Variants in ADAMTS2 observed in about 807,000 individuals in gnomAD.
The protein encoded by ADAMTS2 is ADAM metallopeptidase with thrombospondin type 1 motif 2.
A neutral mutation model predicts 123.0 loss-of-function variants in ADAMTS2; 50 were observed. The observed-to-expected ratio is 0.41, with a 90% confidence interval of 0.32 to 0.51. The LOEUF (loss-of-function observed/expected upper bound fraction) is 0.51, where lower values mean the gene tolerates loss of function less well. ADAMTS2 is among the 20% of genes least tolerant of loss of function. The pLI is 0.35. For synonymous variants in ADAMTS2, 678 were observed against 695.4 expected (o/e 0.98, Z 0.39); for missense variants, 1,494 against 1,705.2 (o/e 0.88, Z 2.18).
At chr5:179,207,780 G>A (rs1209738916) in intron 3 of ADAMTS2, 65 bp from the exon 4 acceptor site, 81 of 1,416,116 alleles carry the variant, frequency 5.7e-5, no homozygotes, top group Non-Finnish European at 7.1e-5. Context: ...CCTACCAGGC[G>A]CCAGCTTGGC....
rs1764735032 is a variant in ADAMTS2 at position 179,207,659 on chromosome 5, G to A, written c.745C>T (p.His249Tyr). ...LSRALGVLEE[H>Y]ANSSRRRARR... ...GCCCTCCGCCTCGAGCTGTTGGCGT[G>A]CTCCTCTAGGACGCCCAGGGCGCGG... The change falls in exon 4 of 22, where the codon CAC becomes TAC. Residue 249 changes from histidine (H) to tyrosine (Y), a missense_variant. Physicochemically the swap from His to Tyr is moderately conservative, Grantham distance 83. Coordinates refer to ENST00000251582, the MANE Select transcript of ADAMTS2 (RefSeq NM_014244.5). The A allele has an allele frequency of 1.2e-6, 2 of 1,613,494 alleles. No homozygotes were observed. The highest frequency in any genetic ancestry group is 1.7e-5 in the Admixed American group (1 of 60,004).
chr5:179,236,300 T>C (rs962105999), intron 3 of ADAMTS2, among the ~76,000 whole-genome samples: 2 of 152,174 alleles, frequency 1.3e-5, no homozygotes, highest in African/African-American at 4.8e-5. Flanking sequence ...CTTCAGGTGC[T>C]TGGGGAAGAG....
rs1763801412 is a variant in ADAMTS2 at position 179,170,803 on chromosome 5, C to T, written c.975+10269G>A. Among the ~76,000 whole-genome samples, 1 of 152,176 alleles carries T rather than the reference C, an allele frequency of 6.6e-6. No homozygotes were observed. Among genetic ancestry groups the T allele is most frequent in the Non-Finnish European group, 1.5e-5 (1 of 68,022 alleles). On this transcript the variant is annotated intron_variant, in intron 5 of 21. Transcript: ENST00000251582. This position sits in a 1 kb window ranked among gnomAD's most constrained non-coding sequence, Gnocchi z 4.3. ...GGCTCCTCTCCCCTCCTCGTTCATG[C>T]ACCTCCCTGGGATTAAACAGCAGCT...
In ADAMTS2 at chr5:179,210,712, G is replaced by C. The variant is rs192236577; in HGVS notation, c.689-2997C>G. Among the ~76,000 whole-genome samples the C allele has an allele frequency of 2.9e-3, 439 of 152,320 alleles. 3 individuals carry two copies. Among genetic ancestry groups the C allele is most frequent in the African/African-American group, 0.01 (422 of 41,580 alleles). On this transcript the variant is annotated intron_variant, in intron 3 of 21. Transcript: ENST00000251582. Reference sequence around the variant, plus strand: ...AGGGGAGAAGCCCTAAGAGCAGGGGGATCTGCAATGCCCTCAGACCTGGGG... The same window carrying C: ...AGGGGAGAAGCCCTAAGAGCAGGGGCATCTGCAATGCCCTCAGACCTGGGG...
rs191245788 is a variant in ADAMTS2, at chr5:179,202,603, C to T, written c.891+4910G>A. Among the ~76,000 whole-genome samples, 127 of 152,290 alleles carry T rather than the reference C, an allele frequency of 8.3e-4. No homozygotes were observed. Among genetic ancestry groups the T allele is most frequent in the African/African-American group, 2.9e-3 (122 of 41,562 alleles). ...CACCCCTTGCCTGACATATAATAGA[C>T]GCCCCATAAACACCGGCCCCCGTAT... is the stretch of plus-strand genomic sequence containing the variant. On this transcript the variant is annotated intron_variant, in intron 4 of 21. Transcript: ENST00000251582. This position sits in a 1 kb window ranked among gnomAD's most constrained non-coding sequence, Gnocchi z 4.0.
At chr5:179,136,080 G>A in intron 12 of ADAMTS2, 38 bp from the exon 13 acceptor site, 5 of 1,612,916 alleles carry the variant, frequency 3.1e-6, no homozygotes, top group Non-Finnish European at 4.2e-6. Context: ...AAGGAGCCCT[G>A]ATGGCTTCCC....
chr5:179,281,761 G>T (rs1766918187), intron 2 of ADAMTS2, among the ~76,000 whole-genome samples: 1 of 152,162 alleles, frequency 6.6e-6, no homozygotes, highest in South Asian at 2.1e-4. Flanking sequence ...ACCATTCTCA[G>T]TGCCCCCAGC....
At chr5:179,223,581 C>A (rs199763719) in intron 3 of ADAMTS2, among the ~76,000 whole-genome samples, 1 of 151,070 alleles carries the variant, frequency 6.6e-6, no homozygotes, top group Non-Finnish European at 1.5e-5. Flanking sequence ...CACTCGCACA[C>A]GCATGCACTC....
chr5:179,153,950 G>A lies in ADAMTS2; in HGVS notation c.1382+99C>T, dbSNP rs1041126346. 8.8e-6 allele frequency: 13 copies of A among 1,483,038 alleles called. No homozygotes were observed. The Admixed American group carries it at 1.8e-4, about 20-fold the overall frequency. 91.9% of individuals were successfully genotyped at this position (1,483,038 alleles called of 1,614,324 possible). On this transcript the variant is annotated intron_variant, in intron 8 of 21. Coordinates refer to ENST00000251582, the MANE Select transcript of ADAMTS2 (RefSeq NM_014244.5). ...CGCACACAAGCTTAGAGGACCTGAG[G>A]TCGGAGGGCTCTGGCTCTGGTGCAT...
chr5:179,243,043 A>G (rs1188004101), intron 3 of ADAMTS2, among the ~76,000 whole-genome samples: 1 of 152,064 alleles, frequency 6.6e-6, no homozygotes, highest in African/African-American at 2.4e-5. Flanking sequence ...CTCCTGCCCA[A>G]TACCTGGAGT....
At chr5:179,230,203 G>C (rs573854124) in intron 3 of ADAMTS2, among the ~76,000 whole-genome samples, 15 of 152,312 alleles carry the variant, frequency 9.8e-5, no homozygotes, top group Non-Finnish European at 2.2e-4. Context: ...AGGGCTGGGC[G>C]TGAGGTGGGC....
At chr5:179,226,262 T>G (rs1298080956) in intron 3 of ADAMTS2, among the ~76,000 whole-genome samples, 1 of 147,568 alleles carries the variant, frequency 6.8e-6, no homozygotes, top group African/African-American at 2.5e-5. Flanking sequence ...CTTCTCTTTC[T>G]TCTTTCCTTC....
chr5:179,307,898 G>A lies in ADAMTS2; in HGVS notation c.535-34834C>T, dbSNP rs112007118. On this transcript the variant is annotated intron_variant, in intron 2 of 21. Coordinates refer to ENST00000251582, the MANE Select transcript of ADAMTS2 (RefSeq NM_014244.5). The surrounding 1 kb of genome is among the most constrained non-coding windows in gnomAD (Gnocchi z 5.6). ...TTTGTAACACCATTTCCCAATCATC[G>A]ACACGTGGGTTCTTTATTGGGTCAC... Among the ~76,000 whole-genome samples the A allele has an allele frequency of 5.3e-5, 8 of 152,184 alleles. No homozygotes were observed. The highest frequency in any genetic ancestry group is 7.3e-5 in the Non-Finnish European group (5 of 68,030).
At chr5:179,147,124 T>C (rs1347002887) in intron 10 of ADAMTS2, among the ~76,000 whole-genome samples, 2 of 152,238 alleles carry the variant, frequency 1.3e-5, no homozygotes, top group Non-Finnish European at 2.9e-5. Flanking sequence ...AGTCTCACTC[T>C]GTCGTCCAGG....
intron 5 of ADAMTS2, among the ~76,000 whole-genome samples, chr5:179,164,220 A>G (rs909583967): frequency 6.6e-6 from 1 of 152,202 alleles, no homozygotes; most frequent in Non-Finnish European, 1.5e-5. Flanking sequence ...AGAGGAGCCC[A>G]GGGGCAGAGA....
At chr5:179,333,490 T>C (rs1757530675) in intron 2 of ADAMTS2, among the ~76,000 whole-genome samples, 1 of 152,016 alleles carries the variant, frequency 6.6e-6, no homozygotes, top group African/African-American at 2.4e-5. Flanking sequence ...TATGTACAGA[T>C]GCTGTGCAAA....
At chr5:179,195,178 G>A (rs1412370876) in intron 4 of ADAMTS2, among the ~76,000 whole-genome samples, 1 of 152,188 alleles carries the variant, frequency 6.6e-6, no homozygotes, top group African/African-American at 2.4e-5. Context: ...GCAGGGATGC[G>A]GAGGCCAGGA....
At chr5:179,121,534 C>G in intron 21 of ADAMTS2, 127 bp downstream of exon 21, 1 of 749,036 alleles carries the variant, frequency 1.3e-6, no homozygotes. Flanking sequence ...AAACGGTCAC[C>G]CCAGAGCGCG....
chr5:179,138,743 G>C (rs978354385), intron 11 of ADAMTS2, among the ~76,000 whole-genome samples: 1 of 152,212 alleles, frequency 6.6e-6, no homozygotes, highest in African/African-American at 2.4e-5. Flanking sequence ...GCTGCTGAGG[G>C]AGGCTGTCCC....
Sources: gnomAD v4.1 joint callset for allele counts (sites outside exome capture counted in the v4.1 genomes callset) on GRCh38, gnomAD v4.1.1 for gene constraint, Gnocchi (gnomAD v3.1) non-coding constraint, MANE v1.5 for transcripts, NCBI Gene and HGNC (gene_info 2026-07-23, HGNC 2026-07-21) for gene names.